The following DKC1 variants were observed in gnomAD, a reference collection of about 807,000 sequenced individuals.
DKC1 encodes the protein dyskerin pseudouridine synthase 1.
A neutral mutation model predicts 46.7 loss-of-function variants in DKC1; 4 were observed. That is an observed-to-expected ratio of 0.09 (90% CI 0.04 to 0.20). DKC1 has a LOEUF of 0.20. Ranked by LOEUF, DKC1 falls within the 10% of genes least tolerant of loss-of-function variation. The pLI is 1.00. For synonymous variants in DKC1, 141 were observed against 142.4 expected (o/e 0.99, Z 0.07); for missense variants, 171 against 404.2 (o/e 0.42, Z 4.95).
intron 1 of DKC1, among the ~76,000 whole-genome samples, chrX:154,763,331 C>G (rs2071704678): frequency 8.9e-6 from 1 of 112,304 alleles, no homozygotes; most frequent in South Asian, 3.7e-4. Context: ...CAGCTCCATG[C>G]GACTAGGGGA....
intron 8 of DKC1, 74 bp from the exon 9 acceptor site, chrX:154,769,093 T>C: frequency 9.2e-7 from 1 of 1,082,655 alleles, no homozygotes; most frequent in Non-Finnish European, 1.3e-6. Flanking sequence ...TGACATTCAG[T>C]TTTAGGAAGT....
chrX:154,766,860 A>G, intron 5 of DKC1, 137 bp from the exon 6 acceptor site: 1 of 573,390 alleles, frequency 1.7e-6, no homozygotes, highest in Non-Finnish European at 3.0e-6. Context: ...AATCTCTCTT[A>G]ATGCAAATTT....
At chrX:154,765,573 C>T (rs376044835) in intron 3 of DKC1, 43 bp downstream of exon 3, 88 of 975,528 alleles carry the variant, frequency 9.0e-5, no homozygotes, top group Non-Finnish European at 1.2e-4. Context: ...CCTGCTTTTA[C>T]GTTATTTCCA....
At position 154,762,988 on chromosome X, in the gene DKC1, G is replaced by A. The variant is rs782663560; in HGVS notation, c.16+7G>A. 8.5e-6 allele frequency: 10 copies of A among 1,179,188 alleles called. No homozygotes were observed. In the East Asian group the frequency reaches 2.5e-4, roughly 29 times the overall value. On this transcript the variant is annotated splice_region_variant and intron_variant, in intron 1 of 14. Coordinates refer to ENST00000369550, the MANE Select transcript of DKC1 (RefSeq NM_001363.5). ...AACATGGCGGATGCGGAAGGTAAGG[G>A]CTGCAGGCTTCCGGGCCGTGCTAAC...
At chrX:154,767,689 T>C (rs1557264357) in intron 7 of DKC1, among the ~76,000 whole-genome samples, 2 of 111,556 alleles carry the variant, frequency 1.8e-5, no homozygotes, top group Non-Finnish European at 3.8e-5. Context: ...TTGCATGTGT[T>C]TTTTATTTGT....
At chrX:154,763,635 C>G (rs782780873) in intron 1 of DKC1, among the ~76,000 whole-genome samples, 9 of 111,992 alleles carry the variant, frequency 8.0e-5, no homozygotes, top group Non-Finnish European at 1.7e-4. Context: ...CGCTTACCTA[C>G]GGATATACGT....
Position 154,765,025 on chromosome X carries a change from A to G in DKC1, c.84+59A>G, listed in dbSNP as rs1015273682. The G allele has an allele frequency of 1.3e-5, 13 of 963,669 alleles. No homozygotes were observed. In the African/African-American group the frequency reaches 1.9e-4, roughly 14 times the overall value. The allele number at this position is 963,669 out of a possible 1,213,427, so 79.4% of individuals were successfully genotyped here. A position where few individuals can be genotyped will look rare whatever the true frequency, so the allele number is the denominator to read the frequency against. On this transcript the variant is annotated intron_variant, in intron 2 of 14. Transcript: ENST00000369550. ...AAAAAGAAAGTTTACTTAAATAACA[A>G]ACTAAAGGAAAGAAGTGTTTTTAAA... is the stretch of plus-strand genomic sequence containing the variant.
At chrX:154,776,778 T>C in intron 14 of DKC1, 21 bp from the exon 15 acceptor site, 1 of 1,197,541 alleles carries the variant, frequency 8.4e-7, no homozygotes, top group Non-Finnish European at 1.1e-6. Flanking sequence ...ATCTGTGAGC[T>C]TTCATTCTCT....
intron 8 of DKC1, 121 bp from the exon 9 acceptor site, chrX:154,769,046 A>G (rs2148512352): frequency 4.4e-6 from 2 of 457,281 alleles, no homozygotes; most frequent in East Asian, 5.2e-5. Flanking sequence ...AGGACTGAAG[A>G]GGCTGAAGAC....
At chrX:154,769,753 G>A (rs2071798118) in intron 9 of DKC1, among the ~76,000 whole-genome samples, 1 of 112,538 alleles carries the variant, frequency 8.9e-6, no homozygotes, top group African/African-American at 3.2e-5. Flanking sequence ...CACATTTTTT[G>A]TATGTGTATA....
At position 154,766,039 on chromosome X, in the gene DKC1, T is replaced by A. The variant is rs374742619; in HGVS notation, c.263+41T>A. The A allele has an allele frequency of 5.5e-6, 6 of 1,094,421 alleles. No individual in the cohort carries two copies. The African/African-American group carries it at 9.1e-5, about 17-fold the overall frequency. The allele number at this position is 1,094,421 out of a possible 1,213,427, so 90.2% of individuals were successfully genotyped here. On this transcript the variant is annotated intron_variant, in intron 4 of 14. Transcript: ENST00000369550. Reference sequence around the variant, plus strand: ...AGGCACTGTGCAAACTTACTTTCTTTTGAAAATGCTTTCACATCAGCTATT... The same window carrying A: ...AGGCACTGTGCAAACTTACTTTCTTATGAAAATGCTTTCACATCAGCTATT...
In DKC1 at chrX:154,769,256, C is replaced by T; in HGVS notation, c.861C>T (p.Tyr287=). 1 of 1,211,436 alleles carries T rather than the reference C, an allele frequency of 8.3e-7. No homozygotes were observed. Among genetic ancestry groups the T allele is most frequent in the Non-Finnish European group, 1.1e-6 (1 of 895,310 alleles). Residue 287 remains tyrosine, a synonymous_variant, in exon 9 of 15, where the codon TAC becomes TAT. Coordinates refer to ENST00000369550, the MANE Select transcript of DKC1 (RefSeq NM_001363.5). ...AGAGTTACCTGCGGCGAGTTGTTTA[C>T]CCTTTGGAAAAGCTGTTGACATCTC... ...KDESYLRRVV[Y]PLEKLLTSHK...
chrX:154,776,716 G>A (rs2071901994), intron 14 of DKC1, 83 bp from the exon 15 acceptor site: 32 of 981,779 alleles, frequency 3.3e-5, no homozygotes, highest in Non-Finnish European at 4.5e-5. Context: ...CTTGACTGTG[G>A]ACCTTTACCA....
At position 154,773,122 on chromosome X, in the gene DKC1, TG is replaced by T; in HGVS notation, c.1037-8del. The T allele has an allele frequency of 2.7e-6, 3 of 1,109,307 alleles. No homozygotes were observed. The highest frequency in any genetic ancestry group is 3.7e-6 in the Non-Finnish European group (3 of 803,724). The allele number at this position is 1,109,307 out of a possible 1,213,427, so 91.4% of individuals were successfully genotyped here. ...TCAAATAATTCTTTTCTTTATTCAA[TG>T]CCTGTAGCTATTGCATTAATGACCA... On this transcript the variant is annotated splice_region_variant and splice_polypyrimidine_tract_variant and intron_variant, in intron 10 of 14. Transcript: ENST00000369550.
Position 154,768,596 on chromosome X carries a change from TG to T in DKC1, c.771+167del, listed in dbSNP as rs782172195. The T allele has an allele frequency of 1.0e-5, 7 of 668,921 alleles. No individual in the cohort carries two copies. In the African/African-American group the frequency reaches 1.3e-4, roughly 12 times the overall value. 55.1% of individuals were successfully genotyped at this position (668,921 alleles called of 1,213,427 possible). On this transcript the variant is annotated intron_variant, in intron 8 of 14. Transcript: ENST00000369550. ...TTAATTAAACTTTGGGACATTAAAATGGGCTAAGGGAGATGATTGGGTAGAA... is the reference window on the plus strand; with the variant it reads ...TTAATTAAACTTTGGGACATTAAAATGGCTAAGGGAGATGATTGGGTAGAA...
rs201592812 is a variant in DKC1, at chrX:154,768,445, G to A, written c.771+13G>A. 9.0e-4 allele frequency: 1,084 copies of A among 1,208,999 alleles called. 9 individuals carry two copies. Among genetic ancestry groups the A allele is most frequent in the Middle Eastern group, 1.8e-3 (8 of 4,350 alleles). ...CATGAGTGAAAAGGTATGTGTTACG[G>A]GGCTAGAAGTTTTAGAGCTGGTTCT... On this transcript the variant is annotated intron_variant, in intron 8 of 14. Coordinates refer to ENST00000369550, the MANE Select transcript of DKC1 (RefSeq NM_001363.5).
At chrX:154,771,761 T>A (rs1419377470) in intron 10 of DKC1, among the ~76,000 whole-genome samples, 2 of 112,196 alleles carry the variant, frequency 1.8e-5, no homozygotes, top group East Asian at 5.6e-4. Context: ...CGTGTATATG[T>A]ACCACATTTT....
chrX:154,762,904 CG>C lies in DKC1; in HGVS notation c.-59del. On this transcript the variant is annotated 5_prime_UTR_variant, in exon 1 of 15. Transcript: ENST00000369550. ...GCGCGGCCTGACGGGACCAAGGCGG[CG>C]GGAGTCTGCGGTCGTTCCCTCGGCT... 1 of 1,156,763 alleles carries C rather than the reference CG, an allele frequency of 8.6e-7. No individual in the cohort carries two copies.
chrX:154,765,015 T>G, intron 2 of DKC1, 49 bp downstream of exon 2: 1 of 1,018,778 alleles, frequency 9.8e-7, no homozygotes. Flanking sequence ...GAAAGTTTAC[T>G]TAAATAACAA....
Sources: gnomAD v4.1 joint callset for allele counts (sites outside exome capture counted in the v4.1 genomes callset) on GRCh38, gnomAD v4.1.1 for gene constraint, MANE v1.5 for transcripts, NCBI Gene and HGNC (gene_info 2026-07-23, HGNC 2026-07-21) for gene names.